UBE4A: variants seen among roughly 807,000 people sequenced by gnomAD.
UBE4A encodes the protein ubiquitin conjugation factor E4 A.
UBE4A carries 48 observed loss-of-function variants against 117.9 expected under a neutral mutation model. The ratio of observed to expected loss-of-function variants is 0.41; its 90% CI spans 0.32 to 0.52. The LOEUF is 0.52. UBE4A is among the 20% of genes least tolerant of loss of function. The pLI is 0.33. For synonymous variants in UBE4A, 407 were observed against 450.0 expected (o/e 0.90, Z 1.21); for missense variants, 1,067 against 1,296.3 (o/e 0.82, Z 2.72).
At chr11:118,384,408 G>A (rs1291363905) in intron 13 of UBE4A, among the ~76,000 whole-genome samples, 4 of 152,108 alleles carry the variant, frequency 2.6e-5, no homozygotes, top group Admixed American at 6.6e-5. Flanking sequence ...CTTGTCTCTT[G>A]CAGAGTAAGG....
chr11:118,385,348 AT>A (rs1168074346), intron 15 of UBE4A, among the ~76,000 whole-genome samples: 20 of 152,148 alleles, frequency 1.3e-4, no homozygotes, highest in African/African-American at 4.8e-4. Flanking sequence ...TAAGACAGTG[AT>A]TTTTAACCCA....
chr11:118,384,981 C>G, intron 15 of UBE4A, 36 bp downstream of exon 15: 1 of 1,484,992 alleles, frequency 6.7e-7, no homozygotes, highest in South Asian at 1.2e-5. Context: ...TTTAACTTCT[C>G]CATACCATCA....
chr11:118,383,123 C>T (rs1406377152), intron 13 of UBE4A, among the ~76,000 whole-genome samples: 3 of 152,110 alleles, frequency 2.0e-5, no homozygotes, highest in Non-Finnish European at 4.4e-5. Context: ...TCTACATATT[C>T]AACACCCTTA....
intron 4 of UBE4A, among the ~76,000 whole-genome samples, chr11:118,370,258 GT>G (rs1326612162): frequency 1.3e-5 from 2 of 152,128 alleles, no homozygotes; most frequent in Admixed American, 1.3e-4. Context: ...TTAGACTTAA[GT>G]TCTTAAGGGC....
intron 4 of UBE4A, 69 bp from the exon 5 acceptor site, chr11:118,371,445 C>A (rs756093789): frequency 6.7e-7 from 1 of 1,502,674 alleles, no homozygotes; most frequent in African/African-American, 1.4e-5. Context: ...TCAGAATTAC[C>A]TTTTACATCT....
At chr11:118,376,261 G>T (rs1443142275) in intron 9 of UBE4A, among the ~76,000 whole-genome samples, 1 of 152,158 alleles carries the variant, frequency 6.6e-6, no homozygotes, top group South Asian at 2.1e-4. Flanking sequence ...AATTCTAATT[G>T]TAAACATGAT....
intron 7 of UBE4A, 80 bp downstream of exon 7, chr11:118,373,368 T>C: frequency 6.5e-7 from 1 of 1,540,254 alleles, no homozygotes; most frequent in Non-Finnish European, 8.8e-7. Flanking sequence ...GACACTATAA[T>C]ACTACCTATA....
At chr11:118,370,909 A>C (rs968298723) in intron 4 of UBE4A, among the ~76,000 whole-genome samples, 2 of 152,232 alleles carry the variant, frequency 1.3e-5, no homozygotes, top group Non-Finnish European at 2.9e-5. Context: ...GAACTCATTC[A>C]GCACCTTGAG....
In UBE4A at chr11:118,388,478, G is replaced by A. The variant is rs966673693; in HGVS notation, c.2588-1247G>A. On this transcript the variant is annotated intron_variant, in intron 16 of 19. Transcript: ENST00000252108. ...AGCCTGGCCAACATAGTGAAACCCCGTCTATACTAAAATTACAGAAATTAG... is the reference window on the plus strand; with the variant it reads ...AGCCTGGCCAACATAGTGAAACCCCATCTATACTAAAATTACAGAAATTAG... Among the ~76,000 whole-genome samples, 3 of 151,826 alleles carry A rather than the reference G, an allele frequency of 2.0e-5. No homozygotes were observed. In the East Asian group the frequency reaches 5.8e-4, roughly 30 times the overall value.
At chr11:118,378,673 A>G (rs1948674540) in intron 10 of UBE4A, 1 of 152,268 alleles carries the variant, frequency 6.6e-6, no homozygotes, top group South Asian at 2.1e-4. Flanking sequence ...TCTCCATCAT[A>G]GACATTTTAA....
chr11:118,371,919 A>G lies in UBE4A; in HGVS notation c.561+253A>G, dbSNP rs773087838. Among the ~76,000 whole-genome samples, 7 of 152,072 alleles carry G rather than the reference A, an allele frequency of 4.6e-5. No homozygotes were observed. The South Asian group carries it at 1.4e-3, about 31-fold the overall frequency. The stretch of plus-strand genomic sequence containing the variant: ...GTCCACCCTTCTCCCCAGTTAACCA[A>G]TGCCTCCTATTCTCTCTAAAACCTC... On this transcript the variant is annotated intron_variant, in intron 5 of 19. Coordinates refer to ENST00000252108, the MANE Select transcript of UBE4A (RefSeq NM_001204077.2).
At chr11:118,377,063 A>G (rs1339690644) in intron 10 of UBE4A, among the ~76,000 whole-genome samples, 3 of 152,074 alleles carry the variant, frequency 2.0e-5, no homozygotes, top group East Asian at 1.9e-4. Context: ...TTAAAAAAAA[A>G]AGAGAGGAAG....
chr11:118,370,639 A>G (rs922180319), intron 4 of UBE4A, among the ~76,000 whole-genome samples: 5 of 151,932 alleles, frequency 3.3e-5, no homozygotes, highest in Admixed American at 1.3e-4. Flanking sequence ...AAAAAAAAGA[A>G]CACCCAAGCA....
In UBE4A at chr11:118,384,239, T is replaced by C. The variant is rs923855573; in HGVS notation, c.2198-396T>C. 2.0e-5 allele frequency among the ~76,000 whole-genome samples: 3 copies of C among 152,334 alleles called. No homozygotes were observed. The East Asian group carries it at 5.8e-4, about 29-fold the overall frequency. ...CCTGTTGGCTACACAGTTTGGGATATTGTCTGTGAAGAATGTGGGAATTGC... is the reference window on the plus strand; with the variant it reads ...CCTGTTGGCTACACAGTTTGGGATACTGTCTGTGAAGAATGTGGGAATTGC... On this transcript the variant is annotated intron_variant, in intron 13 of 19. Transcript: ENST00000252108.
chr11:118,390,492 A>G (rs1948804498), intron 17 of UBE4A, among the ~76,000 whole-genome samples, 165 bp from the exon 18 acceptor site: 1 of 101,884 alleles, frequency 9.8e-6, no homozygotes, highest in African/African-American at 3.5e-5. Context: ...ATAATAAAAT[A>G]ATATTTATAT....
intron 9 of UBE4A, 30 bp downstream of exon 9, chr11:118,375,259 T>TG: frequency 6.8e-7 from 1 of 1,480,830 alleles, no homozygotes; most frequent in East Asian, 2.3e-5. Context: ...CTCAAAACTG[T>TG]GTGTGTGTGT....
At chr11:118,363,008 A>G (rs1948532475) in intron 1 of UBE4A, among the ~76,000 whole-genome samples, 1 of 152,202 alleles carries the variant, frequency 6.6e-6, no homozygotes, top group Non-Finnish European at 1.5e-5. Flanking sequence ...AGAGAGAAAT[A>G]ACAAGAGCTC....
At chr11:118,367,328 C>T (rs1250463922) in intron 2 of UBE4A, among the ~76,000 whole-genome samples, 1 of 151,306 alleles carries the variant, frequency 6.6e-6, no homozygotes, top group Admixed American at 6.6e-5. Flanking sequence ...ATGTGACATG[C>T]AACTTATAAC....
At position 118,369,436 on chromosome 11, in the gene UBE4A, G is replaced by A. The variant is rs201069795; in HGVS notation, c.309G>A (p.Leu103=). Residue 103 remains leucine, a synonymous_variant, in exon 4 of 20, where the codon TTG becomes TTA. Coordinates refer to ENST00000252108, the MANE Select transcript of UBE4A (RefSeq NM_001204077.2). ...ACCATTTCCCAGGTGATCCCAGCTT[G>A]AAAAGCGGGAATGGCATCCCTAGCC... The part of the protein sequence containing the change: ...LITLDNSDPS[L]KSGNGIPSRC... 1.2e-6 allele frequency: 2 copies of A among 1,613,958 alleles called. No homozygotes were observed. Among genetic ancestry groups the A allele is most frequent in the East Asian group, 4.5e-5 (2 of 44,882 alleles).
Sources: allele counts gnomAD v4.1 joint callset (sites outside exome capture counted in the v4.1 genomes callset), GRCh38; gene constraint gnomAD v4.1.1; transcripts MANE v1.5; gene names NCBI Gene and HGNC (gene_info 2026-07-23, HGNC 2026-07-21).